Variants in GRM7 observed in about 807,000 individuals in gnomAD.
The protein encoded by GRM7 is glutamate metabotropic receptor 7.
Under a neutral mutation model 84.5 loss-of-function variants are expected in GRM7, and 35 were observed. The observed-to-expected ratio is 0.41, with a 90% confidence interval of 0.32 to 0.55. GRM7 has a LOEUF of 0.55. Ranked by LOEUF, GRM7 falls within the 20% of genes least tolerant of loss-of-function variation. The pLI is 0.19. For missense variants in GRM7, 1,003 were observed against 1,194.6 expected, an observed-to-expected ratio of 0.84 and a Z score of 2.36; for synonymous variants, 487 against 455.1, an observed-to-expected ratio of 1.07 and a Z score of -0.89.
intron 8 of GRM7, among the ~76,000 whole-genome samples, chr3:7,593,927 G>C (rs1192487271): frequency 1.3e-5 from 2 of 151,482 alleles, no homozygotes; most frequent in Non-Finnish European, 2.9e-5. Context: ...TTACACCCTT[G>C]ACACAATCCA....
chr3:7,259,815 G>A (rs1350815428), intron 2 of GRM7, among the ~76,000 whole-genome samples: 1 of 152,080 alleles, frequency 6.6e-6, no homozygotes, highest in Non-Finnish European at 1.5e-5. Flanking sequence ...CCAGTAATGG[G>A]ATTTCTGGAT....
intron 2 of GRM7, among the ~76,000 whole-genome samples, chr3:7,234,097 A>G (rs1196324007): frequency 6.6e-6 from 1 of 152,162 alleles, no homozygotes; most frequent in East Asian, 1.9e-4. Flanking sequence ...ATAATAACCA[A>G]AAAAGGAATG....
At chr3:7,195,954 G>C (rs1354002967) in intron 2 of GRM7, among the ~76,000 whole-genome samples, 1 of 152,114 alleles carries the variant, frequency 6.6e-6, no homozygotes, top group Non-Finnish European at 1.5e-5. Context: ...TGGATATAAA[G>C]ATAAATATAC....
At chr3:7,358,758 C>A (rs894351496) in intron 4 of GRM7, among the ~76,000 whole-genome samples, 6 of 124,746 alleles carry the variant, frequency 4.8e-5, no homozygotes, top group Non-Finnish European at 8.5e-5. Flanking sequence ...AGGTGACTGC[C>A]CCTTTTCATA....
chr3:7,521,621 A>G lies in GRM7; in HGVS notation c.1516-56801A>G, dbSNP rs555189595. Among the ~76,000 whole-genome samples, 76 of 152,290 alleles carry G rather than the reference A, an allele frequency of 5.0e-4. 1 individual carries two copies. In the South Asian group the frequency reaches 0.01, roughly 21 times the overall value. ...ACCACTCAGTTAATGGTATTGTGTGATGGCAGCTCTAATGGACTAAGACAA... is the reference window on the plus strand; with the variant it reads ...ACCACTCAGTTAATGGTATTGTGTGGTGGCAGCTCTAATGGACTAAGACAA... On this transcript the variant is annotated intron_variant, in intron 7 of 9. Transcript: ENST00000357716.
At chr3:7,028,600 C>G (rs1484851338) in intron 1 of GRM7, among the ~76,000 whole-genome samples, 1 of 152,122 alleles carries the variant, frequency 6.6e-6, no homozygotes, top group Admixed American at 6.6e-5. Context: ...TTTCAGTACA[C>G]TGGATATCAG....
chr3:7,091,211 CAAAAAA>C (rs36113765), intron 1 of GRM7, among the ~76,000 whole-genome samples: 2 of 137,184 alleles, frequency 1.5e-5, no homozygotes, highest in African/African-American at 5.2e-5. Context: ...AGTGAAGTAC[CAAAAAA>C]AAAAAAAGAA....
intron 2 of GRM7, among the ~76,000 whole-genome samples, chr3:7,229,757 A>ATTT (rs1302605868): frequency 3.7e-5 from 1 of 26,872 alleles, no homozygotes; most frequent in African/African-American, 1.4e-4. Context: ...ATATATATAT[A>ATTT]TATTTTTTTT....
intron 9 of GRM7, among the ~76,000 whole-genome samples, chr3:7,716,048 C>T (rs1173602763): frequency 1.3e-5 from 2 of 152,184 alleles, no homozygotes; most frequent in Non-Finnish European, 2.9e-5. Context: ...AGGCTCTCCT[C>T]TCCCAAGGAA....
At chr3:7,129,437 T>G (rs1693517420) in intron 1 of GRM7, among the ~76,000 whole-genome samples, 1 of 152,242 alleles carries the variant, frequency 6.6e-6, no homozygotes, top group South Asian at 2.1e-4. Flanking sequence ...CTAAGCTTGA[T>G]TCGAGGTGAC....
intron 1 of GRM7, among the ~76,000 whole-genome samples, chr3:7,014,993 G>A (rs908155108): frequency 1.3e-5 from 2 of 152,150 alleles, no homozygotes; most frequent in African/African-American, 4.8e-5. Context: ...CTAGTTAGAG[G>A]TGTGTAAAAT....
intron 2 of GRM7, among the ~76,000 whole-genome samples, chr3:7,275,636 G>A (rs1207286277): frequency 6.6e-6 from 1 of 152,104 alleles, no homozygotes; most frequent in Non-Finnish European, 1.5e-5. Context: ...ACTAGGTGAG[G>A]TAGGTTCTAA....
chr3:6,946,004 T>C (rs1199387162), intron 1 of GRM7, among the ~76,000 whole-genome samples: 1 of 152,236 alleles, frequency 6.6e-6, no homozygotes, highest in Non-Finnish European at 1.5e-5. Context: ...TCCCGTTTTG[T>C]AGGTTGCCTG....
At chr3:7,352,528 C>G (rs1312416976) in intron 4 of GRM7, among the ~76,000 whole-genome samples, 2 of 152,032 alleles carry the variant, frequency 1.3e-5, no homozygotes, top group Non-Finnish European at 2.9e-5. Flanking sequence ...GTTGAAATTA[C>G]TGAAAATCAA....
chr3:7,300,003 A>C lies in GRM7; in HGVS notation c.878+1178A>C, dbSNP rs963157481. On this transcript the variant is annotated intron_variant, in intron 3 of 9. Transcript: ENST00000357716. ...AAATATACTTTTTATATATATTATA[A>C]ATATTTATAAAATAAATTCCTATTA... Among the ~76,000 whole-genome samples the C allele has an allele frequency of 2.0e-5, 3 of 151,522 alleles. No homozygotes were observed. In the East Asian group the frequency reaches 5.8e-4, roughly 29 times the overall value.
chr3:7,656,135 T>G (rs528387266), intron 8 of GRM7, among the ~76,000 whole-genome samples: 3 of 152,250 alleles, frequency 2.0e-5, no homozygotes, highest in African/African-American at 7.2e-5. Context: ...TATCTTTACT[T>G]CAGATGTTCT....
intron 7 of GRM7, among the ~76,000 whole-genome samples, chr3:7,466,707 C>A (rs1279733200): frequency 6.6e-6 from 1 of 152,226 alleles, no homozygotes; most frequent in East Asian, 1.9e-4. Flanking sequence ...TGCATATTCT[C>A]TTAAATAGAA....
chr3:7,426,627 T>G (rs1189910336), intron 5 of GRM7, among the ~76,000 whole-genome samples: 1 of 152,172 alleles, frequency 6.6e-6, no homozygotes, highest in Non-Finnish European at 1.5e-5. Context: ...CCTGTCCTTC[T>G]GAGAGACACT....
At chr3:7,505,963 G>A (rs1386775105) in intron 7 of GRM7, among the ~76,000 whole-genome samples, 1 of 152,092 alleles carries the variant, frequency 6.6e-6, no homozygotes, top group African/African-American at 2.4e-5. Flanking sequence ...GCATCACCAG[G>A]CTGCTAGTTT....
Sources: gnomAD v4.1 joint callset for allele counts (sites outside exome capture counted in the v4.1 genomes callset) on GRCh38, gnomAD v4.1.1 for gene constraint, MANE v1.5 for transcripts, NCBI Gene and HGNC (gene_info 2026-07-23, HGNC 2026-07-21) for gene names.